Variants in WWP2 observed in about 807,000 individuals in gnomAD.
WWP2 encodes the protein WW domain containing E3 ubiquitin protein ligase 2.
A neutral mutation model predicts 121.0 loss-of-function variants in WWP2; 57 were observed. The observed-to-expected ratio is 0.47, with a 90% CI of 0.38 to 0.59. The LOEUF (loss-of-function observed/expected upper bound fraction) is 0.59, where lower values mean the gene tolerates loss of function less well. WWP2 is among the 20% of genes least tolerant of loss of function. The probability of loss-of-function intolerance (pLI) is 0.00; values close to 1 mark genes in which losing one functional copy is unlikely to be tolerated. For synonymous variants in WWP2, 449 were observed against 441.3 expected (o/e 1.02, Z -0.22); for missense variants, 962 against 1,158.9 (o/e 0.83, Z 2.47).
rs62053264 is a variant in WWP2, at chr16:69,940,870, G to A, written c.*930G>A. 0.046 allele frequency: 7,007 copies of A among 153,780 alleles called. 264 individuals carry two copies. The highest frequency in any genetic ancestry group is 0.058 in the Non-Finnish European group (3,926 of 68,054). 9.5% of individuals were successfully genotyped at this position (153,780 alleles called of 1,614,324 possible). A position where few individuals can be genotyped will look rare whatever the true frequency, so the allele number is the denominator to read the frequency against. On this transcript the variant is annotated 3_prime_UTR_variant, in exon 24 of 24. Coordinates refer to ENST00000359154, the MANE Select transcript of WWP2 (RefSeq NM_001270454.2). Reference sequence around the variant, plus strand: ...GCCTGGCAGAATGAGAGGGGTTGAGGTCCCGAGCGCCACTCCTAGCCTTGC... The same window carrying A: ...GCCTGGCAGAATGAGAGGGGTTGAGATCCCGAGCGCCACTCCTAGCCTTGC...
intron 6 of WWP2, among the ~76,000 whole-genome samples, chr16:69,857,329 G>T (rs2057335789): frequency 6.6e-6 from 1 of 152,116 alleles, no homozygotes; most frequent in South Asian, 2.1e-4. Flanking sequence ...TCCTGACCTC[G>T]TGATCCACCT....
In WWP2 at chr16:69,830,541, G is replaced by A. The variant is rs191824717; in HGVS notation, c.341-9585G>A. ...CAATGATAAAGGGTAGATTCCCAGCGGTAGTAGCCCAAAGAAGAGACTGCA... is the reference window on the plus strand; with the variant it reads ...CAATGATAAAGGGTAGATTCCCAGCAGTAGTAGCCCAAAGAAGAGACTGCA... On this transcript the variant is annotated intron_variant, in intron 4 of 23. Coordinates refer to ENST00000359154, the MANE Select transcript of WWP2 (RefSeq NM_001270454.2). Among the ~76,000 whole-genome samples the A allele has an allele frequency of 1.8e-3, 275 of 152,302 alleles. 2 individuals carry two copies. Among genetic ancestry groups the A allele is most frequent in the African/African-American group, 6.4e-3 (266 of 41,564 alleles).
At chr16:69,844,199 T>TA (rs1157925089) in intron 6 of WWP2, among the ~76,000 whole-genome samples, 2 of 152,196 alleles carry the variant, frequency 1.3e-5, no homozygotes, top group Admixed American at 6.5e-5. Flanking sequence ...GTAGGTGACT[T>TA]ACAATAGTTG....
intron 4 of WWP2, among the ~76,000 whole-genome samples, chr16:69,801,256 G>T (rs1199502071): frequency 6.8e-6 from 1 of 147,610 alleles, no homozygotes; most frequent in Non-Finnish European, 1.5e-5. Flanking sequence ...TTTGAGACAG[G>T]TTTCTCACTT....
At chr16:69,932,049 G>A (rs1221870668) in intron 16 of WWP2, among the ~76,000 whole-genome samples, 159 bp downstream of exon 16, 1 of 152,228 alleles carries the variant, frequency 6.6e-6, no homozygotes, top group Non-Finnish European at 1.5e-5. Context: ...ACGTGAACCC[G>A]CCAGGCGCGG....
chr16:69,767,005 C>T (rs999232827), intron 1 of WWP2, among the ~76,000 whole-genome samples: 10 of 151,442 alleles, frequency 6.6e-5, no homozygotes, highest in African/African-American at 2.4e-4. Flanking sequence ...CTGCCTGCCT[C>T]GGCCTCCCAA....
chr16:69,870,579 G>A (rs944783291), intron 6 of WWP2, among the ~76,000 whole-genome samples: 1 of 152,204 alleles, frequency 6.6e-6, no homozygotes, highest in Non-Finnish European at 1.5e-5. Context: ...AGGATAACAG[G>A]CGTGAGCCAC....
chr16:69,795,675 T>G lies in WWP2; in HGVS notation c.71-3007T>G, dbSNP rs946974825. Among the ~76,000 whole-genome samples, 770 of 147,208 alleles carry G rather than the reference T, an allele frequency of 5.2e-3. 2 individuals carry two copies. Among genetic ancestry groups the G allele is most frequent in the African/African-American group, 0.019 (739 of 39,432 alleles). On this transcript the variant is annotated intron_variant, in intron 2 of 23. Transcript: ENST00000359154. ...TTTTTTTTTTTTTTTTTTTTTTTTT[T>G]GTGAGAGTCTCTCTCCATCACCCAG...
intron 1 of WWP2, among the ~76,000 whole-genome samples, chr16:69,763,627 C>G (rs1010167716): frequency 6.6e-6 from 1 of 152,196 alleles, no homozygotes; most frequent in Non-Finnish European, 1.5e-5. Flanking sequence ...GATGTATTCT[C>G]ATTTCACAGG....
At chr16:69,791,949 C>T (rs1354069582) in intron 2 of WWP2, among the ~76,000 whole-genome samples, 1 of 150,470 alleles carries the variant, frequency 6.6e-6, no homozygotes, top group Non-Finnish European at 1.5e-5. Flanking sequence ...AAAGAGCCAG[C>T]TTGATAATAC....
chr16:69,921,905 C>G (rs890672610), intron 10 of WWP2, among the ~76,000 whole-genome samples: 18 of 152,132 alleles, frequency 1.2e-4, no homozygotes, highest in Middle Eastern at 6.8e-3. Context: ...GAAACCCTGT[C>G]TCTACTAAAA....
chr16:69,807,326 T>G (rs2056300100), intron 4 of WWP2, among the ~76,000 whole-genome samples: 1 of 152,166 alleles, frequency 6.6e-6, no homozygotes, highest in African/African-American at 2.4e-5. Context: ...TGAGCCACCG[T>G]GCCTGGCCTA....
At chr16:69,834,878 A>G (rs2056848701) in intron 4 of WWP2, among the ~76,000 whole-genome samples, 2 of 151,894 alleles carry the variant, frequency 1.3e-5, no homozygotes, top group African/African-American at 4.8e-5. Flanking sequence ...TTTTTTAAGG[A>G]AAAAAAGAAA....
chr16:69,909,014 T>C (rs553467561), intron 9 of WWP2, 164 bp downstream of exon 9: 1 of 1,435,302 alleles, frequency 7.0e-7, no homozygotes, highest in African/African-American at 1.4e-5. Flanking sequence ...ATTGCTCCCA[T>C]GTCTTAGGAC....
At chr16:69,895,768 GA>G (rs1380437746) in intron 8 of WWP2, among the ~76,000 whole-genome samples, 3 of 151,800 alleles carry the variant, frequency 2.0e-5, no homozygotes, top group African/African-American at 4.8e-5. Flanking sequence ...TCAGTTAAAA[GA>G]AAAAAAAGTT....
intron 4 of WWP2, among the ~76,000 whole-genome samples, chr16:69,821,432 G>A (rs907315807): frequency 6.6e-6 from 1 of 152,196 alleles, no homozygotes; most frequent in Non-Finnish European, 1.5e-5. Context: ...AGTGCTGGCT[G>A]AGAGGCTGCC....
intron 2 of WWP2, among the ~76,000 whole-genome samples, chr16:69,789,970 C>T (rs1434255533): frequency 6.6e-6 from 1 of 152,138 alleles, no homozygotes; most frequent in Non-Finnish European, 1.5e-5. Context: ...TGGCTGGGTG[C>T]GGTGGCTCAC....
At chr16:69,772,018 A>G (rs980366861) in intron 1 of WWP2, among the ~76,000 whole-genome samples, 4 of 132,564 alleles carry the variant, frequency 3.0e-5, no homozygotes, top group Non-Finnish European at 6.1e-5. Flanking sequence ...CTGGAGTGTA[A>G]TGGTGTGATC....
rs915509350 is a variant in WWP2, at chr16:69,908,672, G to A, written c.915-89G>A. On this transcript the variant is annotated intron_variant, in intron 8 of 23. Transcript: ENST00000359154. ...CATCTTTGATGCTTCCTGTAAATTA[G>A]CCACATGAGTGATGAAGGTCTTCCT... 1.1e-5 allele frequency: 18 copies of A among 1,566,098 alleles called. No individual in the cohort carries two copies. The Admixed American group carries it at 3.1e-4, about 27-fold the overall frequency.
Sources: allele counts gnomAD v4.1 joint callset (sites outside exome capture counted in the v4.1 genomes callset), GRCh38; gene constraint gnomAD v4.1.1; transcripts MANE v1.5; gene names NCBI Gene and HGNC (gene_info 2026-07-23, HGNC 2026-07-21).